Variants in DDX50 observed in about 807,000 individuals in gnomAD.
DDX50 encodes DExD-box helicase 50.
Under a neutral mutation model 94.8 loss-of-function variants are expected in DDX50, and 56 were observed. That is an observed-to-expected ratio of 0.59 (90% CI 0.48 to 0.74). The LOEUF (loss-of-function observed/expected upper bound fraction) is 0.74. DDX50 is among the 30% of genes least tolerant of loss of function. The pLI is 0.00. For synonymous variants in DDX50, 264 were observed against 295.4 expected, an observed-to-expected ratio of 0.89 and a Z score of 1.09; for missense variants, 713 against 881.2, an observed-to-expected ratio of 0.81 and a Z score of 2.42.
At chr10:68,923,680 A>T (rs1375338898) in intron 8 of DDX50, among the ~76,000 whole-genome samples, 6 of 151,848 alleles carry the variant, frequency 4.0e-5, no homozygotes, top group Non-Finnish European at 8.8e-5. Context: ...AGTAGCTGGG[A>T]TTACAGGTAC....
chr10:68,913,690 A>T lies in DDX50; in HGVS notation c.943+114A>T, dbSNP rs182280789. On this transcript the variant is annotated intron_variant, in intron 6 of 14. Transcript: ENST00000373585. ...GTCCCCTGCGTTCTAACAAAACTAAAATAATTTGGTATCTGTTCTGTCCTT... is the reference window on the plus strand; with the variant it reads ...GTCCCCTGCGTTCTAACAAAACTAATATAATTTGGTATCTGTTCTGTCCTT... 5.0e-5 allele frequency: 50 copies of T among 999,522 alleles called. No homozygotes were observed. The Admixed American group carries it at 1.5e-3, about 29-fold the overall frequency. The allele number at this position is 999,522 out of a possible 1,614,324, so 61.9% of individuals were successfully genotyped here. A position where few individuals can be genotyped will look rare whatever the true frequency, so the allele number is the denominator to read the frequency against.
At chr10:68,906,669 A>G (rs1841453755) in intron 1 of DDX50, 42 bp from the exon 2 acceptor site, 1 of 1,584,064 alleles carries the variant, frequency 6.3e-7, no homozygotes, top group African/African-American at 1.4e-5. Flanking sequence ...CTTAAAAGAA[A>G]ACCTCTGACC....
intron 6 of DDX50, among the ~76,000 whole-genome samples, 173 bp from the exon 7 acceptor site, chr10:68,913,886 T>TC (rs747329395): frequency 6.6e-6 from 1 of 152,176 alleles, no homozygotes; most frequent in Non-Finnish European, 1.5e-5. Flanking sequence ...CTTCATATTG[T>TC]CCCCCAGTTT....
At chr10:68,902,190 CAAAAAAAAAAAAA>C (rs35302047) in intron 1 of DDX50, among the ~76,000 whole-genome samples, 2 of 94,320 alleles carry the variant, frequency 2.1e-5, no homozygotes, top group Admixed American at 2.7e-4. Flanking sequence ...CCCTGCCCTC[CAAAAAAAAAAAAA>C]AAAAAAAAGG....
chr10:68,918,657 C>T (rs971189939), intron 7 of DDX50, among the ~76,000 whole-genome samples: 3 of 151,882 alleles, frequency 2.0e-5, no homozygotes, highest in Non-Finnish European at 4.4e-5. Context: ...GAACTCCTGA[C>T]CTCAGGTGAT....
chr10:68,932,712 A>C (rs535675049), intron 8 of DDX50, among the ~76,000 whole-genome samples: 1 of 152,346 alleles, frequency 6.6e-6, no homozygotes, highest in African/African-American at 2.4e-5. Flanking sequence ...AGATCTACCT[A>C]ATATAAATAG....
intron 2 of DDX50, among the ~76,000 whole-genome samples, chr10:68,909,245 A>C (rs1316613756): frequency 6.6e-6 from 1 of 152,180 alleles, no homozygotes. Context: ...CAAGTTTGAA[A>C]ATTGTTAGTG....
At chr10:68,920,872 G>A (rs1045130135) in intron 8 of DDX50, among the ~76,000 whole-genome samples, 1 of 149,502 alleles carries the variant, frequency 6.7e-6, no homozygotes, top group African/African-American at 2.5e-5. Context: ...GTGAACCCAG[G>A]AGTTCAGTGA....
At chr10:68,924,362 G>A (rs1244893255) in intron 8 of DDX50, among the ~76,000 whole-genome samples, 1 of 152,084 alleles carries the variant, frequency 6.6e-6, no homozygotes, top group African/African-American at 2.4e-5. Flanking sequence ...GCACACTGCA[G>A]CCTCTAACTC....
In DDX50 at chr10:68,934,668, T is replaced by A; in HGVS notation, c.1402-131T>A. ...GCCTTTACCCCAAAATCCACACATA[T>A]AAATTGTTTGGAATGTTGAAAAGGG... On this transcript the variant is annotated intron_variant, in intron 9 of 14. Coordinates refer to ENST00000373585, the MANE Select transcript of DDX50 (RefSeq NM_024045.2). The surrounding 1 kb of genome is among the most constrained non-coding windows in gnomAD (Gnocchi z 4.0). 1 of 1,177,396 alleles carries A rather than the reference T, an allele frequency of 8.5e-7. No homozygotes were observed. The highest frequency in any genetic ancestry group is 1.2e-6 in the Non-Finnish European group (1 of 858,840). The allele number at this position is 1,177,396 out of a possible 1,614,324, so 72.9% of individuals were successfully genotyped here. A position where few individuals can be genotyped will look rare whatever the true frequency, so the allele number is the denominator to read the frequency against.
At chr10:68,917,522 TC>T (rs1258146846) in intron 7 of DDX50, among the ~76,000 whole-genome samples, 1 of 152,194 alleles carries the variant, frequency 6.6e-6, no homozygotes, top group East Asian at 1.9e-4. Flanking sequence ...CTGATTTGCA[TC>T]CCTGTGGTTT....
intron 11 of DDX50, among the ~76,000 whole-genome samples, chr10:68,936,511 AAAAAATATATATATATATAT>A (rs1842417063): frequency 2.9e-5 from 1 of 34,032 alleles, no homozygotes; most frequent in South Asian, 1.7e-3. Context: ...AAAAAAAAAA[AAAAAATATATATATATATAT>A]ATATATATAT....
intron 7 of DDX50, among the ~76,000 whole-genome samples, chr10:68,918,140 G>A (rs569054804): frequency 1.3e-5 from 2 of 152,058 alleles, no homozygotes; most frequent in East Asian, 3.9e-4. Context: ...GGCCAGGCTG[G>A]TTCAAACTCC....
chr10:68,914,281 A>G, intron 7 of DDX50, 77 bp downstream of exon 7: 3 of 1,535,856 alleles, frequency 2.0e-6, no homozygotes, highest in Non-Finnish European at 2.7e-6. Flanking sequence ...GCTAAATTTA[A>G]GTTTTGGGTA....
At chr10:68,917,808 G>T (rs1331143882) in intron 7 of DDX50, among the ~76,000 whole-genome samples, 1 of 152,128 alleles carries the variant, frequency 6.6e-6, no homozygotes. Context: ...TTGCCATGTT[G>T]GCCAGGCTAG....
In DDX50 at chr10:68,901,360, C is replaced by G. The variant is rs1209812179; in HGVS notation, c.-25C>G. 6.5e-7 allele frequency: 1 copy of G among 1,527,378 alleles called. No homozygotes were observed. The highest frequency in any genetic ancestry group is 8.8e-7 in the Non-Finnish European group (1 of 1,134,942). The allele number at this position is 1,527,378 out of a possible 1,614,324, so 94.6% of individuals were successfully genotyped here. ...CGTAGGTGGTTGTGGCCACTGTGCC[C>G]GGAGGGAGGCGGCGGTGGCCAGTAA... On this transcript the variant is annotated 5_prime_UTR_variant, in exon 1 of 15. Transcript: ENST00000373585.
intron 7 of DDX50, among the ~76,000 whole-genome samples, chr10:68,914,628 A>T (rs963263942): frequency 2.6e-5 from 4 of 152,246 alleles, no homozygotes; most frequent in African/African-American, 7.2e-5. Context: ...CAAACCAAAA[A>T]AATTTCTCAA....
At chr10:68,931,254 T>C (rs1369254950) in intron 8 of DDX50, among the ~76,000 whole-genome samples, 3 of 151,598 alleles carry the variant, frequency 2.0e-5, no homozygotes, top group Non-Finnish European at 2.9e-5. Flanking sequence ...TTGTAGGTCA[T>C]TATTATATTT....
Position 68,934,983 on chromosome 10 carries a change from ATATT to A in DDX50, c.1521+70_1521+73del. 6.6e-7 allele frequency: 1 copy of A among 1,517,002 alleles called. No homozygotes were observed. Among genetic ancestry groups the A allele is most frequent in the Non-Finnish European group, 8.8e-7 (1 of 1,132,734 alleles). 94.0% of individuals were successfully genotyped at this position (1,517,002 alleles called of 1,614,324 possible). A position where few individuals can be genotyped will look rare whatever the true frequency, so the allele number is the denominator to read the frequency against. On this transcript the variant is annotated intron_variant, in intron 10 of 14. Coordinates refer to ENST00000373585, the MANE Select transcript of DDX50 (RefSeq NM_024045.2). The surrounding 1 kb of genome is among the most constrained non-coding windows in gnomAD (Gnocchi z 4.0). ...GGTGCCTTAAAAGAGAGCTCTTCTT[ATATT>A]TATTCTTACAAGTAGGTCTTCATAA...
Sources: gnomAD v4.1 joint callset for allele counts (sites outside exome capture counted in the v4.1 genomes callset) on GRCh38, gnomAD v4.1.1 for gene constraint, Gnocchi (gnomAD v3.1) non-coding constraint, MANE v1.5 for transcripts, NCBI Gene and HGNC (gene_info 2026-07-23, HGNC 2026-07-21) for gene names.